TRMT2B: variants seen among roughly 807,000 people sequenced by gnomAD.
TRMT2B encodes tRNA (uracil-5-)-methyltransferase homolog B.
In TRMT2B, 34 loss-of-function variants were observed where a neutral mutation model predicts 39.7. The observed-to-expected ratio is 0.86, with a 90% CI of 0.65 to 1.14. The LOEUF (loss-of-function observed/expected upper bound fraction) is 1.14. Among genes scored for constraint, TRMT2B ranks in the 50% most tolerant of loss-of-function variants. TRMT2B has a pLI of 0.00. For synonymous variants in TRMT2B, 132 were observed against 137.3 expected, an observed-to-expected ratio of 0.96 and a Z score of 0.27; for missense variants, 318 against 377.2, an observed-to-expected ratio of 0.84 and a Z score of 1.30.
At position 101,019,352 on chromosome X, in the gene TRMT2B, C is replaced by T. The variant is rs774338990; in HGVS notation, c.1220G>A (p.Gly407Glu). Residue 407 changes from glycine (G) to glutamate (E), a missense_variant, in exon 12 of 14, where the codon GGG (glycine) becomes GAG (glutamate). Transcript: ENST00000372936. The stretch of plus-strand genomic sequence containing the variant: ...TCCATCTTCCTTTGACTTTAGCAGC[C>T]CTGGCAAAATCTTCTCTGCTTGACC... ...HTGQAEKILP[G>E]LLKSKEDGQS... 35 of 1,209,365 alleles carry T rather than the reference C, an allele frequency of 2.9e-5. No individual in the cohort carries two copies. Among genetic ancestry groups the T allele is most frequent in the Non-Finnish European group, 3.9e-5 (35 of 895,243 alleles).
intron 7 of TRMT2B, among the ~76,000 whole-genome samples, chrX:101,032,178 C>T (rs1004960163): frequency 2.7e-5 from 3 of 110,365 alleles, no homozygotes; most frequent in South Asian, 3.8e-4. Context: ...CTGAGCTACT[C>T]GGGAGGCTGA....
At chrX:101,037,648 C>A in intron 5 of TRMT2B, 1 of 262,383 alleles carries the variant, frequency 3.8e-6, no homozygotes, top group East Asian at 6.9e-5. Context: ...GAGTCTCTAT[C>A]AGATAGACCT....
chrX:100,984,156 C>T, the TRMT2B span, among the ~76,000 whole-genome samples: 1 of 107,733 alleles, frequency 9.3e-6, no homozygotes, highest in African/African-American at 3.4e-5. Context: ...TCTTGTCCCC[C>T]ATGCTGGAGT....
At chrX:101,024,269 C>G (rs972771353) in intron 7 of TRMT2B, among the ~76,000 whole-genome samples, 3 of 111,855 alleles carry the variant, frequency 2.7e-5, no homozygotes, top group African/African-American at 9.7e-5. Context: ...GAGGTCTCAG[C>G]AGAAACCAAA....
the TRMT2B span, among the ~76,000 whole-genome samples, chrX:101,002,817 A>T: frequency 3.6e-5 from 4 of 110,535 alleles, no homozygotes; most frequent in Non-Finnish European, 7.6e-5. Context: ...ATAAACACAG[A>T]CCGATTGACA....
At chrX:101,040,635 A>T (rs143770836) in intron 4 of TRMT2B, among the ~76,000 whole-genome samples, 30 of 111,792 alleles carry the variant, frequency 2.7e-4, no homozygotes, top group African/African-American at 9.1e-4. Context: ...TAAGCAGTAG[A>T]GCTTATTTAG....
chrX:101,051,145 T>C, intron 2 of TRMT2B, 106 bp downstream of exon 2: 1 of 336,189 alleles, frequency 3.0e-6, no homozygotes, highest in Non-Finnish European at 3.9e-6. Context: ...CCTCAGGAAT[T>C]GATCAGGAAG....
At chrX:100,993,097 G>T in the TRMT2B span, among the ~76,000 whole-genome samples, 1 of 112,007 alleles carries the variant, frequency 8.9e-6, no homozygotes, top group Admixed American at 9.5e-5. Context: ...GCACAGCTTA[G>T]AATTATGAAG....
intron 13 of TRMT2B, among the ~76,000 whole-genome samples, chrX:101,013,023 G>A (rs1257436373): frequency 9.1e-6 from 1 of 110,433 alleles, no homozygotes; most frequent in East Asian, 2.9e-4. Context: ...CTTTTACCAC[G>A]TTGGCCAGGC....
chrX:101,017,892 GTAA>G (rs1031365448), intron 13 of TRMT2B, among the ~76,000 whole-genome samples: 82 of 111,985 alleles, frequency 7.3e-4, no homozygotes, highest in African/African-American at 2.7e-3. Flanking sequence ...TTAAAAAAAT[GTAA>G]TATTTTGTTC....
chrX:101,007,108 T>A (rs1172395536), downstream of TRMT2B, among the ~76,000 whole-genome samples: 1 of 111,497 alleles, frequency 9.0e-6, no homozygotes, highest in Non-Finnish European at 1.9e-5. Context: ...AATCCTGTAT[T>A]TATTCATTAA....
chrX:100,991,126 GATTT>G, the TRMT2B span, among the ~76,000 whole-genome samples: 1 of 111,811 alleles, frequency 8.9e-6, no homozygotes, highest in Non-Finnish European at 1.9e-5. Context: ...TCAGATTTCA[GATTT>G]ATTTTCATTT....
intron 13 of TRMT2B, among the ~76,000 whole-genome samples, chrX:101,018,651 CTG>C (rs1291050944): frequency 1.8e-5 from 2 of 110,323 alleles, no homozygotes; most frequent in Non-Finnish European, 3.8e-5. Context: ...TGGGGTTTCA[CTG>C]TGTTCCCCAG....
the TRMT2B span, among the ~76,000 whole-genome samples, chrX:100,991,465 A>G: frequency 9.1e-6 from 1 of 110,021 alleles, no homozygotes; most frequent in Non-Finnish European, 1.9e-5. Flanking sequence ...TGCAAGCTCC[A>G]CCTCCTGGGT....
chrX:100,989,988 A>C, the TRMT2B span, among the ~76,000 whole-genome samples: 27 of 112,740 alleles, frequency 2.4e-4, no homozygotes, highest in African/African-American at 8.7e-4. Flanking sequence ...CTACCCCTAA[A>C]TCTTTGTCCA....
the TRMT2B span, among the ~76,000 whole-genome samples, chrX:100,986,392 C>T: frequency 8.9e-6 from 1 of 111,879 alleles, no homozygotes; most frequent in East Asian, 2.8e-4. Context: ...AGTCAATTCT[C>T]ATCCCCGCCC....
intron 2 of TRMT2B, among the ~76,000 whole-genome samples, chrX:101,046,342 G>A (rs940669077): frequency 9.0e-6 from 1 of 111,004 alleles, no homozygotes; most frequent in African/African-American, 3.3e-5. Flanking sequence ...ATATACCTCT[G>A]AGGAAGATAG....
At chrX:101,014,867 G>A (rs775113785) in intron 13 of TRMT2B, among the ~76,000 whole-genome samples, 4 of 110,302 alleles carry the variant, frequency 3.6e-5, no homozygotes, top group East Asian at 5.7e-4. Context: ...GGTGAAGTAC[G>A]CGGGGAAAGT....
chrX:101,035,145 C>T (rs950861491), intron 7 of TRMT2B, among the ~76,000 whole-genome samples: 3 of 111,338 alleles, frequency 2.7e-5, no homozygotes, highest in Non-Finnish European at 3.8e-5. Context: ...GCCAGGAATT[C>T]GAGACCAGCC....
Sources: allele counts gnomAD v4.1 joint callset (sites outside exome capture counted in the v4.1 genomes callset), GRCh38; gene constraint gnomAD v4.1.1; transcripts MANE v1.5; gene names NCBI Gene and HGNC (gene_info 2026-07-23, HGNC 2026-07-21).